RORA: variants seen among roughly 807,000 people sequenced by gnomAD.
RORA encodes the protein nuclear receptor ROR-alpha.
In RORA, 7 loss-of-function variants were observed where a neutral mutation model predicts 69.5. The observed-to-expected ratio is 0.10, with a 90% CI of 0.06 to 0.19. The LOEUF is 0.19. RORA is among the 10% of genes least tolerant of loss of function. RORA has a pLI of 1.00. For synonymous variants in RORA, 261 were observed against 240.8 expected (o/e 1.08, Z -0.78); for missense variants, 457 against 663.0 (o/e 0.69, Z 3.41).
chr15:60,784,611 T>C (rs971915284), intron 1 of RORA, among the ~76,000 whole-genome samples: 8 of 152,214 alleles, frequency 5.3e-5, no homozygotes, highest in Admixed American at 3.9e-4. Context: ...GAATCCATAG[T>C]TGGATGTACA....
intron 7 of RORA, 86 bp downstream of exon 7, chr15:60,503,449 G>T: frequency 7.2e-7 from 1 of 1,395,678 alleles, no homozygotes; most frequent in Non-Finnish European, 9.9e-7. Flanking sequence ...AACTGTTCCC[G>T]ACACCTTCCT....
At chr15:60,519,725 A>G (rs1028702715) in intron 3 of RORA, among the ~76,000 whole-genome samples, 2 of 152,204 alleles carry the variant, frequency 1.3e-5, no homozygotes, top group African/African-American at 2.4e-5. Flanking sequence ...TAGGAGTCAC[A>G]TAAGAAAATC....
intron 2 of RORA, among the ~76,000 whole-genome samples, chr15:60,673,911 G>C (rs1405661336): frequency 6.6e-6 from 1 of 152,204 alleles, no homozygotes; most frequent in African/African-American, 2.4e-5. Flanking sequence ...CAACAAGCTT[G>C]CTGTCTGAGA....
At chr15:60,543,581 C>G (rs555524452) in intron 2 of RORA, among the ~76,000 whole-genome samples, 180 of 152,224 alleles carry the variant, frequency 1.2e-3, no homozygotes, top group Non-Finnish European at 2.1e-3. Context: ...TGGCCTGAAG[C>G]AATCCTACCA....
At chr15:60,636,890 C>T (rs2069851181) in intron 2 of RORA, among the ~76,000 whole-genome samples, 1 of 152,014 alleles carries the variant, frequency 6.6e-6, no homozygotes, top group Non-Finnish European at 1.5e-5. Context: ...AATATTTTCT[C>T]ATGTGTTTAT....
chr15:61,107,619 C>A (rs531768395), intron 1 of RORA, among the ~76,000 whole-genome samples: 23 of 151,656 alleles, frequency 1.5e-4, no homozygotes, highest in Non-Finnish European at 2.2e-4. Flanking sequence ...CACCTAAGAT[C>A]TACAAACTAT....
At chr15:61,139,101 G>A (rs1038011305) in intron 1 of RORA, among the ~76,000 whole-genome samples, 13 of 151,330 alleles carry the variant, frequency 8.6e-5, no homozygotes, top group South Asian at 2.1e-4. Flanking sequence ...CCAAGATCGC[G>A]CCACTGCACT....
intron 2 of RORA, among the ~76,000 whole-genome samples, chr15:60,629,187 CTTTTTTTTTT>C (rs34687322): frequency 8.9e-6 from 1 of 112,030 alleles, no homozygotes; most frequent in Non-Finnish European, 1.7e-5. Context: ...ACTGTTTATT[CTTTTTTTTTT>C]TTTTTTTTGA....
rs1183094672 is a variant in RORA at position 60,747,240 on chromosome 15, A to T, written c.167-68554T>A. ...CTTAAGGGAGAGTTCAAAAAAAGTC[A>T]AAATTCTTAGAAACAAGGCAAGCTG... On this transcript the variant is annotated intron_variant, in intron 1 of 10. Transcript: ENST00000335670. Among the ~76,000 whole-genome samples the T allele has an allele frequency of 3.9e-5, 6 of 152,312 alleles. No homozygotes were observed. In the East Asian group the frequency reaches 1.2e-3, roughly 29 times the overall value.
In RORA at chr15:60,647,823, C is replaced by T. The variant is rs113626319; in HGVS notation, c.196+30834G>A. On this transcript the variant is annotated intron_variant, in intron 2 of 10. Coordinates refer to ENST00000335670, the MANE Select transcript of RORA (RefSeq NM_134261.3). The stretch of plus-strand genomic sequence containing the variant: ...AGAGCCTTCTCTGTATCTGGATGAA[C>T]GTGACCAGGAAGCCACCCTCAGCCT... Among the ~76,000 whole-genome samples the T allele has an allele frequency of 7.4e-3, 1,130 of 152,274 alleles. 5 individuals are homozygous for T. The highest frequency in any genetic ancestry group is 0.023 in the African/African-American group (947 of 41,534).
At position 60,729,562 on chromosome 15, in the gene RORA, T is replaced by C. The variant is rs147494042; in HGVS notation, c.167-50876A>G. Among the ~76,000 whole-genome samples, 418 of 152,312 alleles carry C rather than the reference T, an allele frequency of 2.7e-3. 3 individuals carry two copies. Among genetic ancestry groups the C allele is most frequent in the African/African-American group, 9.7e-3 (405 of 41,584 alleles). On this transcript the variant is annotated intron_variant, in intron 1 of 10. Transcript: ENST00000335670. The stretch of plus-strand genomic sequence containing the variant: ...TGTCCTGAGTATGTAATATGCAATA[T>C]AAAGCTCTCATGAATTATGCAAATA...
At chr15:60,663,099 C>A (rs2070328726) in intron 2 of RORA, among the ~76,000 whole-genome samples, 2 of 152,224 alleles carry the variant, frequency 1.3e-5, no homozygotes, top group African/African-American at 4.8e-5. Context: ...TCTGCTGAAG[C>A]CTATATTGCA....
intron 1 of RORA, among the ~76,000 whole-genome samples, chr15:60,859,523 G>A (rs2073415493): frequency 6.7e-6 from 1 of 149,400 alleles, no homozygotes; most frequent in Non-Finnish European, 1.5e-5. Context: ...CATCCAGGCT[G>A]GAGTGCAGTG....
intron 1 of RORA, among the ~76,000 whole-genome samples, chr15:60,738,492 G>T (rs1047135549): frequency 2.0e-5 from 3 of 151,918 alleles, no homozygotes; most frequent in Non-Finnish European, 2.9e-5. Context: ...GTGGGCCCTG[G>T]GTGCTTTTGG....
rs528613727 is a variant in RORA, at chr15:61,076,837, T to G, written c.166+152216A>C. On this transcript the variant is annotated intron_variant, in intron 1 of 10. Transcript: ENST00000335670. Reference sequence around the variant, plus strand: ...AGAAATGGGTTTAAATGTGGGTGACTCTTGGTATCAAAGAACTGTGAACTG... The same window carrying G: ...AGAAATGGGTTTAAATGTGGGTGACGCTTGGTATCAAAGAACTGTGAACTG... Among the ~76,000 whole-genome samples the G allele has an allele frequency of 3.8e-4, 58 of 152,206 alleles. 1 individual carries two copies. The highest frequency in any genetic ancestry group is 1.3e-3 in the African/African-American group (52 of 41,532).
intron 1 of RORA, among the ~76,000 whole-genome samples, chr15:60,804,695 T>C (rs1207479232): frequency 6.6e-6 from 1 of 152,206 alleles, no homozygotes; most frequent in African/African-American, 2.4e-5. Context: ...GGTGTGACTA[T>C]AGAATTACAT....
intron 1 of RORA, among the ~76,000 whole-genome samples, chr15:61,033,959 A>G (rs1339393535): frequency 6.6e-6 from 1 of 152,178 alleles, no homozygotes; most frequent in Non-Finnish European, 1.5e-5. Context: ...AAACCAAAAT[A>G]TTTTGGATAT....
intron 1 of RORA, among the ~76,000 whole-genome samples, chr15:61,198,850 C>G (rs976481505): frequency 3.3e-5 from 5 of 152,096 alleles, no homozygotes; most frequent in African/African-American, 7.2e-5. Flanking sequence ...CATACTAATT[C>G]CTATGATTTC....
At chr15:61,132,874 G>A (rs1381209252) in intron 1 of RORA, among the ~76,000 whole-genome samples, 1 of 152,084 alleles carries the variant, frequency 6.6e-6, no homozygotes, top group Non-Finnish European at 1.5e-5. Flanking sequence ...TTTCACTGTT[G>A]ACACTTTTAT....
Sources: gnomAD v4.1 joint callset for allele counts (sites outside exome capture counted in the v4.1 genomes callset) on GRCh38, gnomAD v4.1.1 for gene constraint, MANE v1.5 for transcripts, NCBI Gene and HGNC (gene_info 2026-07-23, HGNC 2026-07-21) for gene names.